DOCK3: variants seen among roughly 807,000 people sequenced by gnomAD.
DOCK3 encodes the protein dedicator of cytokinesis 3.
A neutral mutation model predicts 265.6 loss-of-function variants in DOCK3; 60 were observed. That is an observed-to-expected ratio of 0.23 (90% CI 0.18 to 0.28). The LOEUF (loss-of-function observed/expected upper bound fraction) is 0.28. DOCK3 is among the 10% of genes least tolerant of loss of function. DOCK3 has a pLI of 1.00. For synonymous variants in DOCK3, 881 were observed against 938.0 expected, an observed-to-expected ratio of 0.94 and a Z score of 1.11; for missense variants, 1,981 against 2,594.3, an observed-to-expected ratio of 0.76 and a Z score of 5.14.
chr3:51,185,408 A>C (rs2087539022), intron 12 of DOCK3, among the ~76,000 whole-genome samples: 2 of 152,202 alleles, frequency 1.3e-5, no homozygotes, highest in Non-Finnish European at 2.9e-5. Context: ...TAAGGAGCAG[A>C]GGTCCCTTTC....
At chr3:50,913,299 C>T (rs2049956728) in intron 4 of DOCK3, among the ~76,000 whole-genome samples, 1 of 151,904 alleles carries the variant, frequency 6.6e-6, no homozygotes, top group Non-Finnish European at 1.5e-5. Flanking sequence ...TTGACTGGTG[C>T]CCTGTCTTGC....
chr3:51,170,104 G>A (rs1400182152), intron 12 of DOCK3, among the ~76,000 whole-genome samples: 1 of 152,142 alleles, frequency 6.6e-6, no homozygotes, highest in Non-Finnish European at 1.5e-5. Context: ...CAGATTTTCA[G>A]ATTAGGAATG....
intron 10 of DOCK3, among the ~76,000 whole-genome samples, chr3:51,151,583 G>T (rs6803672): frequency 3.3e-5 from 5 of 149,740 alleles, no homozygotes; most frequent in East Asian, 2.0e-4. Context: ...GCAGTTTCTT[G>T]CTAGCATCGA....
chr3:50,954,675 T>A (rs2076682526), intron 5 of DOCK3, among the ~76,000 whole-genome samples: 1 of 152,038 alleles, frequency 6.6e-6, no homozygotes, highest in African/African-American at 2.4e-5. Flanking sequence ...TTTAATGAGG[T>A]GGTTTTTTTT....
At chr3:51,227,597 G>A (rs1040521932) in intron 16 of DOCK3, among the ~76,000 whole-genome samples, 152 bp downstream of exon 16, 2 of 152,340 alleles carry the variant, frequency 1.3e-5, no homozygotes, top group Middle Eastern at 6.8e-3. Flanking sequence ...ACCAGAGGCT[G>A]TTCTTGGGAC....
chr3:50,797,330 C>T (rs2042844766), intron 2 of DOCK3, among the ~76,000 whole-genome samples: 1 of 152,204 alleles, frequency 6.6e-6, no homozygotes, highest in South Asian at 2.1e-4. Flanking sequence ...AGAGTCCGCT[C>T]TTCTCTAGGT....
Position 50,876,403 on chromosome 3 carries a change from T to TAG in DOCK3, c.163-13623_163-13622insAG, listed in dbSNP as rs1207819946. ...AACAAATCCTTTTGTTTTAAATATT[T>TAG]TAAGGTTTAAAATATTTAGTATTTT... On this transcript the variant is annotated intron_variant, in intron 3 of 52. Transcript: ENST00000266037. 1.6e-4 allele frequency among the ~76,000 whole-genome samples: 24 copies of TAG among 152,258 alleles called. No homozygotes were observed. The East Asian group carries it at 4.6e-3, about 29-fold the overall frequency.
At chr3:51,211,261 T>C (rs2089483159) in intron 13 of DOCK3, among the ~76,000 whole-genome samples, 1 of 152,172 alleles carries the variant, frequency 6.6e-6, no homozygotes, top group Admixed American at 6.5e-5. Context: ...CAGTCTTTAA[T>C]CCAATAAGAG....
chr3:51,284,823 C>G (rs1438777143), intron 27 of DOCK3, among the ~76,000 whole-genome samples: 1 of 152,158 alleles, frequency 6.6e-6, no homozygotes, highest in Non-Finnish European at 1.5e-5. Context: ...AGCTCCCACC[C>G]AAGAGACTAT....
At position 51,160,633 on chromosome 3, in the gene DOCK3, G is replaced by A. The variant is rs1413347735; in HGVS notation, c.968G>A (p.Ser323Asn). ...CGACCATATGGCTGTGCGGTCCTAA[G>A]CATCTTGGATGTCCTACAGTCACTC... ...YRRPYGCAVL[S>N]ILDVLQSLTE... The change falls in exon 12 of 53, where the codon AGC (serine) becomes AAC (asparagine). Residue 323 changes from serine (S) to asparagine (N), a missense_variant. By Grantham distance (46) the Ser-to-Asn change is conservative. Around this residue, in one of 4 missense-constraint regions of DOCK3, gnomAD observed 456 missense variants for 539.0 expected, o/e 0.85. Transcript: ENST00000266037. 1.2e-6 allele frequency: 2 copies of A among 1,613,096 alleles called. No individual in the cohort carries two copies. Among genetic ancestry groups the A allele is most frequent in the Non-Finnish European group, 8.5e-7 (1 of 1,179,546 alleles).
At chr3:50,712,627 C>T (rs968290693) in intron 1 of DOCK3, among the ~76,000 whole-genome samples, 1 of 152,252 alleles carries the variant, frequency 6.6e-6, no homozygotes, top group African/African-American at 2.4e-5. Flanking sequence ...CATGAACCAC[C>T]ATGTCCGGCC....
At chr3:51,355,101 C>T in intron 41 of DOCK3, 78 bp downstream of exon 41, 4 of 1,527,850 alleles carry the variant, frequency 2.6e-6, no homozygotes, top group Non-Finnish European at 8.8e-7. Flanking sequence ...TGCCCCTTTA[C>T]CACATTGCCA....
chr3:50,904,195 C>T (rs2049350888), intron 4 of DOCK3, among the ~76,000 whole-genome samples: 1 of 152,152 alleles, frequency 6.6e-6, no homozygotes, highest in Admixed American at 6.5e-5. Flanking sequence ...CAAGTCTTTG[C>T]TATTGTGAAT....
At chr3:51,248,785 G>T (rs2078975468) in intron 22 of DOCK3, among the ~76,000 whole-genome samples, 1 of 150,696 alleles carries the variant, frequency 6.6e-6, no homozygotes, top group Non-Finnish European at 1.5e-5. Context: ...TCTAGGAAGT[G>T]AGGAGCGTCT....
intron 40 of DOCK3, among the ~76,000 whole-genome samples, chr3:51,351,712 A>G (rs1269241433): frequency 1.4e-5 from 2 of 145,630 alleles, no homozygotes; most frequent in Non-Finnish European, 3.0e-5. Context: ...GCTGGAGTAC[A>G]ATGGCACGAT....
At chr3:50,835,133 A>G (rs2045426724) in intron 2 of DOCK3, among the ~76,000 whole-genome samples, 1 of 152,136 alleles carries the variant, frequency 6.6e-6, no homozygotes, top group African/African-American at 2.4e-5. Flanking sequence ...ATTTTTCACA[A>G]ATGTTTCACA....
At chr3:50,707,522 G>T (rs1295035689) in intron 1 of DOCK3, among the ~76,000 whole-genome samples, 1 of 152,136 alleles carries the variant, frequency 6.6e-6, no homozygotes, top group Admixed American at 6.5e-5. Context: ...GATTTCTTTG[G>T]CTGTAATGAG....
chr3:51,041,949 T>G (rs1459096704), intron 5 of DOCK3, among the ~76,000 whole-genome samples: 1 of 151,942 alleles, frequency 6.6e-6, no homozygotes, highest in Non-Finnish European at 1.5e-5. Context: ...GGCACTGACT[T>G]CTCCCTAGCC....
At chr3:51,183,118 G>C (rs746073918) in intron 12 of DOCK3, among the ~76,000 whole-genome samples, 4 of 152,124 alleles carry the variant, frequency 2.6e-5, no homozygotes, top group Non-Finnish European at 4.4e-5. Context: ...TTGTATACTT[G>C]AAATAAAATG....
Sources: allele counts gnomAD v4.1 joint callset (sites outside exome capture counted in the v4.1 genomes callset), GRCh38; gene constraint gnomAD v4.1.1; regional missense constraint gnomAD v4.1.1; transcripts MANE v1.5; gene names NCBI Gene and HGNC (gene_info 2026-07-23, HGNC 2026-07-21).